ZNF541: variants seen among roughly 807,000 people sequenced by gnomAD.
The protein encoded by ZNF541 is zinc finger protein 541.
In ZNF541, 23 loss-of-function variants were observed where a neutral mutation model predicts 123.5. That is an observed-to-expected ratio of 0.19 (90% confidence interval 0.13 to 0.26). ZNF541 has a LOEUF of 0.26. Among genes scored for constraint, ZNF541 ranks in the 10% least tolerant of loss-of-function variants. The probability of loss-of-function intolerance (pLI) is 1.00; values close to 1 mark genes in which losing one functional copy is unlikely to be tolerated. For synonymous variants in ZNF541, 751 were observed against 754.5 expected, an observed-to-expected ratio of 1.00 and a Z score of 0.08; for missense variants, 1,612 against 1,789.9, an observed-to-expected ratio of 0.90 and a Z score of 1.79.
In ZNF541 at chr19:47,545,186, C is replaced by G. The variant is rs1381529231; in HGVS notation, c.1343G>C (p.Gly448Ala). The change falls in exon 5 of 17, where the codon GGC becomes GCC. Residue 448 changes from glycine to alanine, a missense_variant. Transcript: ENST00000391901. The surrounding 1 kb of genome is among the most constrained non-coding windows in gnomAD (Gnocchi z 7.5). Reference sequence around the variant, plus strand: ...GGGGCTTCCGCTGCTGGGTCCCGGGCCAGACTCGGAGCCCTCCCGCGAGGG... The same window carrying G: ...GGGGCTTCCGCTGCTGGGTCCCGGGGCAGACTCGGAGCCCTCCCGCGAGGG... ...AVPSREGSES[G>A]PGPSSGSPSE... 3 of 1,513,570 alleles carry G rather than the reference C, an allele frequency of 2.0e-6. No individual in the cohort carries two copies. Among genetic ancestry groups the G allele is most frequent in the East Asian group, 2.5e-5 (1 of 40,386 alleles). 93.8% of individuals were successfully genotyped at this position (1,513,570 alleles called of 1,614,324 possible).
At chr19:47,548,442 C>CAAAAAAAAAAAAAAAAAAAAAA in intron 4 of ZNF541, among the ~76,000 whole-genome samples, 1 of 60,360 alleles carries the variant, frequency 1.7e-5, no homozygotes. Context: ...GACTCCATCT[C>CAAAAAAAAAAAAAAAAAAAAAA]AAAAAAAAAA....
rs1354457244 is a variant in ZNF541 at position 47,521,882 on chromosome 19, G to A, written c.3683C>T (p.Pro1228Leu). Residue 1228 changes from proline (P) to leucine (L), a missense_variant, in exon 15 of 17, where the codon CCG becomes CTG. Pro to Leu is a moderately conservative substitution (Grantham distance 98). Around this residue, in one of 5 missense-constraint regions of ZNF541, gnomAD observed 285 missense variants for 407.3 expected, o/e 0.70. Coordinates refer to ENST00000391901, the MANE Select transcript of ZNF541 (RefSeq NM_001277075.3). The surrounding 1 kb of genome is among the most constrained non-coding windows in gnomAD (Gnocchi z 4.2). ...PGLEKRVKRE[P>L]EEVERTEEKV... is the part of the protein sequence containing the mutation. ...TTCCTCTGTCCTTTCCACTTCCTCC[G>A]GCTCTCTCTTGACCCTCTTTTCTAG... 15 of 1,551,638 alleles carry A rather than the reference G, an allele frequency of 9.7e-6. 1 individual carries two copies. In the Middle Eastern group the frequency reaches 1.0e-3, roughly 103 times the overall value.
chr19:47,564,943 A>AAT (rs1442009980), intron 2 of ZNF541, among the ~76,000 whole-genome samples: 1 of 152,152 alleles, frequency 6.6e-6, no homozygotes, highest in East Asian at 1.9e-4. Flanking sequence ...TGGATAAAGA[A>AAT]ATATATATAT....
Position 47,538,173 on chromosome 19 carries a change from G to A in ZNF541, c.3063C>T (p.Ala1021=), listed in dbSNP as rs1357966371. 27 of 1,551,052 alleles carry A rather than the reference G, an allele frequency of 1.7e-5. No homozygotes were observed. The highest frequency in any genetic ancestry group is 2.4e-5 in the Non-Finnish European group (27 of 1,146,984). ...FNTLCSTSTQ[A]SPDQLISSML... Reference sequence around the variant, plus strand: ...TGGAGCTGATGAGCTGGTCAGGGCTGGCCTGAGTGGACGTGGAACAGAGGG... The same window carrying A: ...TGGAGCTGATGAGCTGGTCAGGGCTAGCCTGAGTGGACGTGGAACAGAGGG... The change falls in exon 9 of 17, where the codon GCC becomes GCT. Residue 1021 remains alanine (A), a synonymous_variant. Coordinates refer to ENST00000391901, the MANE Select transcript of ZNF541 (RefSeq NM_001277075.3).
At chr19:47,538,598 G>A in intron 8 of ZNF541, 159 bp from the exon 9 acceptor site, 1 of 684,438 alleles carries the variant, frequency 1.5e-6, no homozygotes, top group Non-Finnish European at 2.3e-6. Context: ...AGCCAGACCT[G>A]ACGTACTGAG....
At chr19:47,542,619 T>C (rs967199952) in intron 5 of ZNF541, among the ~76,000 whole-genome samples, 2 of 151,590 alleles carry the variant, frequency 1.3e-5, no homozygotes, top group South Asian at 4.2e-4. Flanking sequence ...ACCACTATAC[T>C]CCAGCCTGGG....
chr19:47,555,864 C>T lies in ZNF541; in HGVS notation c.-8G>A. On this transcript the variant is annotated 5_prime_UTR_variant, in exon 3 of 17. Transcript: ENST00000391901. ...AAGGCTGTACTGGTCCATGGCTCTC[C>T]ACTGCCAGGTCTTGGCCAAAAGCTA... is the stretch of plus-strand genomic sequence containing the variant. 6.5e-7 allele frequency: 1 copy of T among 1,541,858 alleles called. No homozygotes were observed. The highest frequency in any genetic ancestry group is 8.8e-7 in the Non-Finnish European group (1 of 1,140,792).
upstream of ZNF541, among the ~76,000 whole-genome samples, chr19:47,573,255 C>A (rs1230591599): frequency 5.3e-5 from 8 of 151,668 alleles, no homozygotes; most frequent in Non-Finnish European, 1.0e-4. Flanking sequence ...CGCCTCACGC[C>A]TCCCAGAGCG....
chr19:47,543,851 C>T (rs189500189), intron 5 of ZNF541, among the ~76,000 whole-genome samples: 120 of 152,162 alleles, frequency 7.9e-4, no homozygotes, highest in African/African-American at 2.7e-3. Context: ...GCCATGTTGC[C>T]TAGGCTGATC....
chr19:47,566,363 G>A (rs1375038489), intron 2 of ZNF541, among the ~76,000 whole-genome samples: 1 of 152,014 alleles, frequency 6.6e-6, no homozygotes, highest in African/African-American at 2.4e-5. Flanking sequence ...TTGGAGGGGA[G>A]GGAACAATCT....
At chr19:47,550,076 A>T (rs1373961882) in intron 3 of ZNF541, among the ~76,000 whole-genome samples, 1 of 151,816 alleles carries the variant, frequency 6.6e-6, no homozygotes, top group African/African-American at 2.4e-5. Context: ...ACATGGTGAA[A>T]CCCCGTCTCT....
At chr19:47,529,456 GAAAGGCAGGC>G in intron 13 of ZNF541, 111 bp downstream of exon 13, 1 of 989,032 alleles carries the variant, frequency 1.0e-6, no homozygotes, top group Non-Finnish European at 1.5e-6. Context: ...AGGCCCTCCT[GAAAGGCAGGC>G]AAAGGTCCCG....
At chr19:47,533,770 G>A (rs535352827) in intron 9 of ZNF541, among the ~76,000 whole-genome samples, 1 of 152,226 alleles carries the variant, frequency 6.6e-6, no homozygotes, top group African/African-American at 2.4e-5. Flanking sequence ...GAACCTGGGA[G>A]GCAGAGTGAG....
chr19:47,540,819 T>C, intron 6 of ZNF541, 74 bp downstream of exon 6: 1 of 1,445,454 alleles, frequency 6.9e-7, no homozygotes, highest in Admixed American at 2.2e-5. Flanking sequence ...CCCACTCACT[T>C]GTCCAGGGCC....
intron 4 of ZNF541, among the ~76,000 whole-genome samples, chr19:47,547,424 T>G (rs932782926): frequency 3.3e-5 from 5 of 151,928 alleles, no homozygotes; most frequent in African/African-American, 1.2e-4. Flanking sequence ...AGCAGAGGAG[T>G]ACATCACCCT....
rs1970335342 is a variant in ZNF541 at position 47,545,889 on chromosome 19, G to C, written c.640C>G (p.Arg214Gly). 4 of 1,548,852 alleles carry C rather than the reference G, an allele frequency of 2.6e-6. No homozygotes were observed. The South Asian group carries it at 4.8e-5, about 18-fold the overall frequency. Reference protein sequence around the residue: ...SKSYCDYRSLRRHYEVHHGLC... With the variant: ...SKSYCDYRSLGRHYEVHHGLC... ...CCGTGATGGACCTCGTAGTGCCGGC[G>C]CAGAGAGCGGTAGTCGCAGTAGCTC... Residue 214 changes from arginine to glycine, a missense_variant, in exon 5 of 17, where the codon CGC becomes GGC. Coordinates refer to ENST00000391901, the MANE Select transcript of ZNF541 (RefSeq NM_001277075.3). This position sits in a 1 kb window ranked among gnomAD's most constrained non-coding sequence, Gnocchi z 7.5.
At position 47,545,517 on chromosome 19, in the gene ZNF541, G is replaced by A. The variant is rs1006140402; in HGVS notation, c.1012C>T (p.Pro338Ser). Residue 338 changes from proline to serine, a missense_variant, in exon 5 of 17, where the codon CCT (proline) becomes TCT (serine). Physicochemically the swap from Pro to Ser is moderately conservative, Grantham distance 74. Coordinates refer to ENST00000391901, the MANE Select transcript of ZNF541 (RefSeq NM_001277075.3). The surrounding 1 kb of genome is among the most constrained non-coding windows in gnomAD (Gnocchi z 7.5). Reference protein sequence around the residue: ...AALDTELPEEPCLPQKEPATD... With the variant: ...AALDTELPEESCLPQKEPATD... ...GCCGGCTCTTTCTGTGGGAGGCAAG[G>A]CTCCTCGGGAAGCTCGGTGTCCAGC... is the stretch of plus-strand genomic sequence containing the variant. 6 of 1,510,264 alleles carry A rather than the reference G, an allele frequency of 4.0e-6. No individual in the cohort carries two copies. In the African/African-American group the frequency reaches 5.6e-5, roughly 14 times the overall value. The allele number at this position is 1,510,264 out of a possible 1,614,324, so 93.6% of individuals were successfully genotyped here.
At chr19:47,540,834 C>G in intron 6 of ZNF541, 59 bp downstream of exon 6, 1 of 1,521,954 alleles carries the variant, frequency 6.6e-7, no homozygotes, top group East Asian at 2.5e-5. Context: ...AGGGCCGGCA[C>G]AGGAAGGCCA....
chr19:47,568,820 C>T (rs1428423866), intron 2 of ZNF541, among the ~76,000 whole-genome samples: 1 of 151,932 alleles, frequency 6.6e-6, no homozygotes, highest in Non-Finnish European at 1.5e-5. Context: ...TACAGGTGCA[C>T]ACCACCACAC....
Sources: gnomAD v4.1 joint callset for allele counts (sites outside exome capture counted in the v4.1 genomes callset) on GRCh38, gnomAD v4.1.1 for gene constraint, gnomAD v4.1.1 regional missense constraint, Gnocchi (gnomAD v3.1) non-coding constraint, MANE v1.5 for transcripts, NCBI Gene and HGNC (gene_info 2026-07-23, HGNC 2026-07-21) for gene names.